LRP1: variants seen among roughly 807,000 people sequenced by gnomAD.
The protein encoded by LRP1 is prolow-density lipoprotein receptor-related protein 1.
Under a neutral mutation model 541.5 loss-of-function variants are expected in LRP1, and 51 were observed. The observed-to-expected ratio is 0.09, with a 90% CI of 0.08 to 0.12. LRP1 has a LOEUF of 0.12. Ranked by LOEUF, LRP1 falls within the 10% of genes least tolerant of loss-of-function variation. LRP1 has a pLI of 1.00. For missense variants in LRP1, 3,878 were observed against 6,376.2 expected, an observed-to-expected ratio of 0.61 and a Z score of 13.34; for synonymous variants, 2,219 against 2,470.8, an observed-to-expected ratio of 0.90 and a Z score of 3.02.
chr12:57,188,075 G>A (rs958500861), intron 42 of LRP1, among the ~76,000 whole-genome samples: 1 of 152,218 alleles, frequency 6.6e-6, no homozygotes, highest in African/African-American at 2.4e-5. Flanking sequence ...TAGAGCATAG[G>A]CAGGCCTGAG....
chr12:57,145,106 T>C lies in LRP1; in HGVS notation c.577+6T>C. On this transcript the variant is annotated splice_donor_region_variant and intron_variant, in intron 5 of 88. Coordinates refer to ENST00000243077, the MANE Select transcript of LRP1 (RefSeq NM_002332.3). ...CTCCTGCAAGGCCAAGAACGGTGGG[T>C]GGGGTTGCCTCTGGCCACAGTGCTA... 1 of 1,613,686 alleles carries C rather than the reference T, an allele frequency of 6.2e-7. No individual in the cohort carries two copies. The highest frequency in any genetic ancestry group is 8.5e-7 in the Non-Finnish European group (1 of 1,179,982).
Position 57,156,054 on chromosome 12 carries a change from C to G in LRP1, c.1228-40C>G. On this transcript the variant is annotated intron_variant, in intron 8 of 88. Coordinates refer to ENST00000243077, the MANE Select transcript of LRP1 (RefSeq NM_002332.3). This position sits in a 1 kb window ranked among gnomAD's most constrained non-coding sequence, Gnocchi z 5.2. ...ATCTCCAGGACAGAGGGAGGAACCCCTGTCATCTCATGCTGTCCATTCTTG... is the reference window on the plus strand; with the variant it reads ...ATCTCCAGGACAGAGGGAGGAACCCGTGTCATCTCATGCTGTCCATTCTTG... 1.3e-6 allele frequency: 2 copies of G among 1,574,816 alleles called. No homozygotes were observed.
At chr12:57,150,392 C>G (rs2035504843) in intron 6 of LRP1, among the ~76,000 whole-genome samples, 1 of 151,988 alleles carries the variant, frequency 6.6e-6, no homozygotes, top group African/African-American at 2.4e-5. Context: ...AGAGTTTTAC[C>G]ATGTTAGCCA....
At chr12:57,135,184 G>A (rs183219868) in intron 1 of LRP1, among the ~76,000 whole-genome samples, 3 of 152,332 alleles carry the variant, frequency 2.0e-5, no homozygotes, top group Admixed American at 1.3e-4. Flanking sequence ...TCAGTGGCTG[G>A]TGGTTAGCAA....
chr12:57,202,543 T>TGGGGGGCC lies in LRP1; in HGVS notation c.10711+6_10711+7insGGGGGGCC. The TGGGGGGCC allele has an allele frequency of 3.3e-5, 51 of 1,523,362 alleles. No homozygotes were observed. Among genetic ancestry groups the TGGGGGGCC allele is most frequent in the Non-Finnish European group, 3.7e-5 (42 of 1,124,576 alleles). 94.4% of individuals were successfully genotyped at this position (1,523,362 alleles called of 1,614,324 possible). ...CTCCGATGAAGAGAGCTGCAGTACG[T>TGGGGGGCC]CCCCACCCACCCAGCCCCGCATGAG... On this transcript the variant is annotated splice_region_variant and intron_variant, in intron 68 of 88. Coordinates refer to ENST00000243077, the MANE Select transcript of LRP1 (RefSeq NM_002332.3).
chr12:57,149,536 A>G, intron 6 of LRP1: 1 of 649,624 alleles, frequency 1.5e-6, no homozygotes, highest in Non-Finnish European at 2.8e-6. Context: ...AGAGCCCGGC[A>G]AGGATTTCTC....
chr12:57,163,527 C>T (rs1030680573), intron 15 of LRP1, among the ~76,000 whole-genome samples: 3 of 149,996 alleles, frequency 2.0e-5, no homozygotes, highest in Non-Finnish European at 3.0e-5. Flanking sequence ...TGCAGTGGGC[C>T]GAAATCATGC....
At position 57,156,624 on chromosome 12, in the gene LRP1, G is replaced by T. The variant is rs528033506; in HGVS notation, c.1418-153G>T. On this transcript the variant is annotated intron_variant, in intron 9 of 88. Coordinates refer to ENST00000243077, the MANE Select transcript of LRP1 (RefSeq NM_002332.3). This position sits in a 1 kb window ranked among gnomAD's most constrained non-coding sequence, Gnocchi z 5.2. ...TTGAAGGCTGGGTTGTTGGGGGGCA[G>T]AGGGTTTCCACCCCTGTGGCTTCCA... Among the ~76,000 whole-genome samples the T allele has an allele frequency of 1.0e-4, 16 of 152,386 alleles. No individual in the cohort carries two copies. The South Asian group carries it at 3.3e-3, about 32-fold the overall frequency.
Position 57,205,824 on chromosome 12 carries a change from A to G in LRP1, c.11590+147A>G. 2 of 1,252,458 alleles carry G rather than the reference A, an allele frequency of 1.6e-6. No homozygotes were observed. The highest frequency in any genetic ancestry group is 2.2e-6 in the Non-Finnish European group (2 of 920,630). The allele number at this position is 1,252,458 out of a possible 1,614,324, so 77.6% of individuals were successfully genotyped here. Reference sequence around the variant, plus strand: ...CTCATAGTTGCAGCTGCCTGAGCACAGTGCTGGCCCAGCAGTGGGGGCAGG... The same window carrying G: ...CTCATAGTTGCAGCTGCCTGAGCACGGTGCTGGCCCAGCAGTGGGGGCAGG... On this transcript the variant is annotated intron_variant, in intron 75 of 88. Transcript: ENST00000243077. The surrounding 1 kb of genome is among the most constrained non-coding windows in gnomAD (Gnocchi z 4.6).
rs1302301427 is a variant in LRP1, at chr12:57,177,825, G to A, written c.4361+234G>A. 6.6e-6 allele frequency among the ~76,000 whole-genome samples: 1 copy of A among 152,074 alleles called. No homozygotes were observed. The highest frequency in any genetic ancestry group is 1.5e-5 in the Non-Finnish European group (1 of 68,020). ...GCCATCAGCTGTGGTTATTCACACT[G>A]TACCATCCTCTCCACTCACCTGTCC... On this transcript the variant is annotated intron_variant, in intron 26 of 88. Coordinates refer to ENST00000243077, the MANE Select transcript of LRP1 (RefSeq NM_002332.3). This position sits in a 1 kb window ranked among gnomAD's most constrained non-coding sequence, Gnocchi z 6.8.
At chr12:57,152,484 T>C (rs1456539234) in intron 6 of LRP1, among the ~76,000 whole-genome samples, 1 of 152,168 alleles carries the variant, frequency 6.6e-6, no homozygotes, top group African/African-American at 2.4e-5. Flanking sequence ...GAGACTTCGA[T>C]TTCCTTTGGA....
At chr12:57,199,483 C>A in intron 61 of LRP1, 83 bp downstream of exon 61, 1 of 1,446,132 alleles carries the variant, frequency 6.9e-7, no homozygotes, top group Non-Finnish European at 9.5e-7. Context: ...CCTTCTCTAG[C>A]ATTGACCAAG....
Position 57,165,954 on chromosome 12 carries a change from C to T in LRP1, c.2671+9C>T. 3.1e-6 allele frequency: 5 copies of T among 1,614,018 alleles called. No homozygotes were observed. Among genetic ancestry groups the T allele is most frequent in the Non-Finnish European group, 4.2e-6 (5 of 1,179,924 alleles). ...GGCCCCAGCCCTCTGCCGTGAGTCA[C>T]ACGCCCTGCCCCACCCTGTTGGATG... On this transcript the variant is annotated intron_variant, in intron 16 of 88. Transcript: ENST00000243077. This position sits in a 1 kb window ranked among gnomAD's most constrained non-coding sequence, Gnocchi z 4.5.
At position 57,209,283 on chromosome 12, in the gene LRP1, T is replaced by C; in HGVS notation, c.12262+84T>C. 5.6e-6 allele frequency: 6 copies of C among 1,070,874 alleles called. No individual in the cohort carries two copies. The South Asian group carries it at 8.0e-5, about 14-fold the overall frequency. The allele number at this position is 1,070,874 out of a possible 1,614,324, so 66.3% of individuals were successfully genotyped here. A position where few individuals can be genotyped will look rare whatever the true frequency, so the allele number is the denominator to read the frequency against. ...TACTGAGCCAAAGGCCTCACTTCAA[T>C]GCCTCCCATCCTTTGTCACTGACCC... is the stretch of plus-strand genomic sequence containing the variant. On this transcript the variant is annotated intron_variant, in intron 79 of 88. Transcript: ENST00000243077.
At chr12:57,195,234 C>T (rs750476507) in intron 51 of LRP1, 37 bp from the exon 52 acceptor site, 9 of 1,609,320 alleles carry the variant, frequency 5.6e-6, no homozygotes, top group Middle Eastern at 1.7e-4. Flanking sequence ...GATCTACCCG[C>T]TCCTAAGTCT....
Position 57,179,213 on chromosome 12 carries a change from C to T in LRP1, c.4739-116C>T, listed in dbSNP as rs903512837. The T allele has an allele frequency of 1.1e-5, 13 of 1,164,644 alleles. No homozygotes were observed. Among genetic ancestry groups the T allele is most frequent in the Middle Eastern group, 2.0e-4 (1 of 4,890 alleles). The allele number at this position is 1,164,644 out of a possible 1,614,324, so 72.1% of individuals were successfully genotyped here. On this transcript the variant is annotated intron_variant, in intron 28 of 88. Coordinates refer to ENST00000243077, the MANE Select transcript of LRP1 (RefSeq NM_002332.3). The surrounding 1 kb of genome is among the most constrained non-coding windows in gnomAD (Gnocchi z 6.8). ...GGCTGCACCCAGCGGGGTATGTCCA[C>T]GGAGCCAAGGGCCAGTAGCAAACAG...
rs748484318 is a variant in LRP1 at position 57,187,346 on chromosome 12, C to T, written c.6921C>T (p.Ile2307=). Residue 2307 remains isoleucine (I), a synonymous_variant, in exon 42 of 89, where the codon ATC becomes ATT. Transcript: ENST00000243077. ...LYWTSYTTST[I]TRHTVDQTRP... ...GGACAAGCTACACGACATCCACCAT[C>T]ACGCGCCACACAGTGGACCAGACCC... The T allele has an allele frequency of 6.2e-7, 1 of 1,614,232 alleles. No individual in the cohort carries two copies.
At chr12:57,207,194 G>C (rs1211575632) in intron 76 of LRP1, among the ~76,000 whole-genome samples, 1 of 151,594 alleles carries the variant, frequency 6.6e-6, no homozygotes, top group East Asian at 1.9e-4. Context: ...AGTGAGCCGA[G>C]ATCGCGCCAC....
intron 55 of LRP1, 118 bp from the exon 56 acceptor site, chr12:57,196,864 A>G (rs544673378): frequency 7.0e-6 from 6 of 861,958 alleles, no homozygotes; most frequent in South Asian, 4.8e-5. Context: ...CTCAGTACCC[A>G]TATGCTGCTG....
Sources: allele counts gnomAD v4.1 joint callset (sites outside exome capture counted in the v4.1 genomes callset), GRCh38; gene constraint gnomAD v4.1.1; non-coding constraint Gnocchi (gnomAD v3.1); transcripts MANE v1.5; gene names NCBI Gene and HGNC (gene_info 2026-07-23, HGNC 2026-07-21).